The following DISC1 variants were observed in gnomAD, a reference collection of about 807,000 sequenced individuals.
DISC1 encodes the protein DISC1 scaffold protein.
A neutral mutation model predicts 84.5 loss-of-function variants in DISC1; 57 were observed. That is an observed-to-expected ratio of 0.67 (90% CI 0.55 to 0.84). The LOEUF (loss-of-function observed/expected upper bound fraction) is 0.84. Ranked by LOEUF, DISC1 falls within the 40% of genes least tolerant of loss-of-function variation. DISC1 has a pLI of 0.00. For synonymous variants in DISC1, 411 were observed against 415.2 expected (o/e 0.99, Z 0.12); for missense variants, 1,000 against 1,057.8 (o/e 0.95, Z 0.76).
At chr1:231,738,883 C>G (rs955637110) in intron 3 of DISC1, among the ~76,000 whole-genome samples, 4 of 152,166 alleles carry the variant, frequency 2.6e-5, no homozygotes, top group Admixed American at 6.5e-5. Context: ...CAAGGTGTCT[C>G]TTGTGTTCTA....
chr1:231,765,334 C>T (rs193112907), intron 4 of DISC1, among the ~76,000 whole-genome samples: 4 of 152,182 alleles, frequency 2.6e-5, no homozygotes, highest in Admixed American at 2.6e-4. Flanking sequence ...CTGCCTTGGC[C>T]TCCCAGGTAG....
intron 9 of DISC1, among the ~76,000 whole-genome samples, chr1:231,847,435 C>T (rs1328080245): frequency 6.6e-6 from 1 of 152,052 alleles, no homozygotes; most frequent in Non-Finnish European, 1.5e-5. Flanking sequence ...TATTCCATAC[C>T]TCATTTTATA....
chr1:231,838,032 A>C (rs1427568663), intron 9 of DISC1, among the ~76,000 whole-genome samples: 1 of 152,168 alleles, frequency 6.6e-6, no homozygotes, highest in Non-Finnish European at 1.5e-5. Context: ...ATTTATCAAT[A>C]GATAAGAAAG....
At chr1:231,723,234 G>C in intron 3 of DISC1, 2 of 816,218 alleles carry the variant, frequency 2.5e-6, no homozygotes, top group African/African-American at 3.8e-5. Flanking sequence ...CCCTGATACA[G>C]ACTGTATTTA....
intron 11 of DISC1, among the ~76,000 whole-genome samples, chr1:232,023,728 G>A (rs1034086919): frequency 6.6e-6 from 1 of 152,012 alleles, no homozygotes. Flanking sequence ...ATTTGATTTC[G>A]TTTAAGGGTG....
At chr1:231,907,158 T>C (rs1290978293) in intron 9 of DISC1, among the ~76,000 whole-genome samples, 1 of 128,994 alleles carries the variant, frequency 7.8e-6, no homozygotes, top group Non-Finnish European at 1.7e-5. Context: ...TCTTTCTTTC[T>C]TTCTTTCTTT....
intron 10 of DISC1, among the ~76,000 whole-genome samples, chr1:231,964,894 C>T (rs1660888277): frequency 6.6e-6 from 1 of 152,246 alleles, no homozygotes; most frequent in Non-Finnish European, 1.5e-5. Flanking sequence ...AGAGAGGAAG[C>T]AGCTGAGAAC....
chr1:231,807,685 T>A (rs2079852606), intron 8 of DISC1, among the ~76,000 whole-genome samples: 1 of 152,204 alleles, frequency 6.6e-6, no homozygotes, highest in South Asian at 2.1e-4. Flanking sequence ...ATGTTCCAGC[T>A]TCTGGATGCT....
chr1:231,659,199 T>C (rs1558265382), intron 1 of DISC1, among the ~76,000 whole-genome samples: 1 of 152,178 alleles, frequency 6.6e-6, no homozygotes, highest in Non-Finnish European at 1.5e-5. Context: ...TCTTCCTGGT[T>C]CAGTCTTGGG....
chr1:231,837,280 A>T (rs796690714), intron 9 of DISC1, among the ~76,000 whole-genome samples: 2 of 152,330 alleles, frequency 1.3e-5, no homozygotes, highest in African/African-American at 4.8e-5. Context: ...CATTAGGTAT[A>T]TAAACCAGCT....
At chr1:231,979,847 T>C (rs1663346923) in intron 10 of DISC1, among the ~76,000 whole-genome samples, 1 of 152,126 alleles carries the variant, frequency 6.6e-6, no homozygotes, top group African/African-American at 2.4e-5. Context: ...AGATAAATTC[T>C]ACTAGAGATG....
chr1:231,895,335 T>G (rs2087598899), intron 9 of DISC1, among the ~76,000 whole-genome samples: 1 of 151,684 alleles, frequency 6.6e-6, no homozygotes, highest in African/African-American at 2.4e-5. Flanking sequence ...GCCTCATAAA[T>G]ATTTTATATG....
intron 1 of DISC1, among the ~76,000 whole-genome samples, chr1:231,655,098 A>G (rs964565816): frequency 2.0e-5 from 3 of 152,152 alleles, no homozygotes; most frequent in Admixed American, 2.0e-4. Flanking sequence ...AAACCAACAA[A>G]TTCTTTTTTT....
chr1:231,748,111 T>C (rs1177582430), intron 3 of DISC1, among the ~76,000 whole-genome samples: 1 of 152,226 alleles, frequency 6.6e-6, no homozygotes, highest in African/African-American at 2.4e-5. Flanking sequence ...CTGAATTCAT[T>C]TATCAGTTCT....
At chr1:231,733,829 G>A (rs995112481) in intron 3 of DISC1, among the ~76,000 whole-genome samples, 4 of 148,566 alleles carry the variant, frequency 2.7e-5, no homozygotes, top group African/African-American at 7.5e-5. Context: ...GTGGTGGTAC[G>A]AGTTATGGTG....
At chr1:231,978,023 G>A (rs1347130082) in intron 10 of DISC1, among the ~76,000 whole-genome samples, 3 of 151,348 alleles carry the variant, frequency 2.0e-5, no homozygotes, top group African/African-American at 7.3e-5. Flanking sequence ...GAACTAGATT[G>A]TTTGTCCTAC....
rs148965628 is a variant in DISC1, at chr1:232,016,560, A to G, written c.2307+7511A>G. Among the ~76,000 whole-genome samples, 10 of 152,322 alleles carry G rather than the reference A, an allele frequency of 6.6e-5. No homozygotes were observed. In the East Asian group the frequency reaches 1.7e-3, roughly 26 times the overall value. On this transcript the variant is annotated intron_variant, in intron 11 of 12. Coordinates refer to ENST00000439617, the MANE Select transcript of DISC1 (RefSeq NM_018662.3). ...GTGTGCTTAAAGAAAAGCAGTTCAC[A>G]TCCTCTTGCATGATCGTGTAATATA...
chr1:231,986,572 A>G (rs1664476565), intron 10 of DISC1, among the ~76,000 whole-genome samples: 1 of 152,214 alleles, frequency 6.6e-6, no homozygotes, highest in Admixed American at 6.5e-5. Context: ...TAGATCATGT[A>G]TGTTCAATAT....
At chr1:231,831,468 A>T (rs55877530) in intron 9 of DISC1, among the ~76,000 whole-genome samples, 3,127 of 150,258 alleles carry the variant, frequency 0.021, 68 homozygotes, top group African/African-American at 0.071. Context: ...AAGTTTCAGC[A>T]GGGGAGTAGG....
Sources: gnomAD v4.1 joint callset for allele counts (sites outside exome capture counted in the v4.1 genomes callset) on GRCh38, gnomAD v4.1.1 for gene constraint, MANE v1.5 for transcripts, NCBI Gene and HGNC (gene_info 2026-07-23, HGNC 2026-07-21) for gene names.